SORBS2: variants seen among roughly 807,000 people sequenced by gnomAD.
The protein encoded by SORBS2 is sorbin and SH3 domain-containing protein 2.
SORBS2 carries 46 observed loss-of-function variants against 97.7 expected under a neutral mutation model. The observed-to-expected ratio is 0.47, with a 90% CI of 0.37 to 0.60. SORBS2 has a LOEUF of 0.60. SORBS2 is among the 20% of genes least tolerant of loss of function. SORBS2 has a pLI of 0.00. For missense variants in SORBS2, 1,316 were observed against 1,282.3 expected, an observed-to-expected ratio of 1.03 and a Z score of -0.40; for synonymous variants, 476 against 473.4, an observed-to-expected ratio of 1.01 and a Z score of -0.07.
intron 1 of SORBS2, among the ~76,000 whole-genome samples, chr4:185,859,466 C>T (rs2099222448): frequency 6.6e-6 from 1 of 152,236 alleles, no homozygotes; most frequent in South Asian, 2.1e-4. Context: ...TTTACAACTC[C>T]AGCCTTTGCC....
intron 2 of SORBS2, among the ~76,000 whole-genome samples, chr4:185,709,304 C>CCTTTTTTTTTTTTGTTTTTTTTTTTTTT (rs1554199361): frequency 1.0e-5 from 1 of 96,804 alleles, no homozygotes. Flanking sequence ...CTGGCCAAAT[C>CCTTTTTTTTTTTTGTTTTTTTTTTTTTT]TTTTTTTTTT....
At chr4:185,629,179 G>A (rs2153430852) in intron 5 of SORBS2, among the ~76,000 whole-genome samples, 1 of 152,302 alleles carries the variant, frequency 6.6e-6, no homozygotes, top group South Asian at 2.1e-4. Context: ...GCAGACCTCA[G>A]AACTGGTTTG....
At chr4:185,596,522 C>T (rs1024022450) in intron 12 of SORBS2, among the ~76,000 whole-genome samples, 2 of 145,334 alleles carry the variant, frequency 1.4e-5, no homozygotes, top group Non-Finnish European at 3.0e-5. Flanking sequence ...CAGCCAGCAC[C>T]GTCCTTGCTT....
chr4:185,742,767 A>G (rs2098735403), intron 2 of SORBS2, among the ~76,000 whole-genome samples: 1 of 152,238 alleles, frequency 6.6e-6, no homozygotes, highest in Non-Finnish European at 1.5e-5. Flanking sequence ...GGCAAGAGGA[A>G]TATTTGCCAA....
chr4:185,739,600 A>G (rs919600105), intron 2 of SORBS2, among the ~76,000 whole-genome samples: 3 of 152,178 alleles, frequency 2.0e-5, no homozygotes, highest in African/African-American at 2.4e-5. Flanking sequence ...TGTGTTCAGG[A>G]TGAGGGCTTC....
At chr4:185,737,689 C>T (rs187851063) in intron 2 of SORBS2, among the ~76,000 whole-genome samples, 2 of 152,252 alleles carry the variant, frequency 1.3e-5, no homozygotes, top group Admixed American at 6.5e-5. Flanking sequence ...GGCACCGCAG[C>T]GTGGTGGGCA....
At chr4:185,824,872 C>T (rs2099198908) in intron 1 of SORBS2, among the ~76,000 whole-genome samples, 1 of 152,168 alleles carries the variant, frequency 6.6e-6, no homozygotes, top group Non-Finnish European at 1.5e-5. Flanking sequence ...CCAACCCACA[C>T]TCTCATGCCA....
At chr4:185,845,744 T>G (rs930466814) in intron 1 of SORBS2, among the ~76,000 whole-genome samples, 4 of 151,888 alleles carry the variant, frequency 2.6e-5, no homozygotes, top group African/African-American at 9.7e-5. Context: ...AGCAAAAAAA[T>G]AGGCAAAAGT....
chr4:185,652,711 C>T (rs764663353), exon 2 of SORBS2: 14 of 1,614,020 alleles, frequency 8.7e-6, no homozygotes, highest in Middle Eastern at 1.6e-4. Context: ...TGTACCAGTC[C>T]TTGGGCCGGT....
intron 1 of SORBS2, among the ~76,000 whole-genome samples, chr4:185,905,807 C>T (rs557657781): frequency 2.6e-5 from 4 of 152,064 alleles, no homozygotes; most frequent in African/African-American, 9.6e-5. Context: ...AAGTAGTGAC[C>T]CAATATGAAT....
At chr4:185,828,464 T>C (rs150527040) in intron 1 of SORBS2, among the ~76,000 whole-genome samples, 97 of 152,224 alleles carry the variant, frequency 6.4e-4, no homozygotes, top group African/African-American at 2.1e-3. Flanking sequence ...ACTAAAATCA[T>C]CATTATCATC....
chr4:185,606,500 T>G lies in SORBS2; in HGVS notation c.2796+5280A>C, dbSNP rs1444016803. ...GTTTAAAAAAATCTGTTAGTCAAAATAGGTATTTATTAATATGATTAACTC... is the reference window on the plus strand; with the variant it reads ...GTTTAAAAAAATCTGTTAGTCAAAAGAGGTATTTATTAATATGATTAACTC... On this transcript the variant is annotated intron_variant, in intron 12 of 14. Coordinates refer to ENST00000418609, the Ensembl canonical transcript of SORBS2. The surrounding 1 kb of genome is among the most constrained non-coding windows in gnomAD (Gnocchi z 4.3). The G allele has an allele frequency of 2.0e-6, 2 of 983,130 alleles. No individual in the cohort carries two copies. The highest frequency in any genetic ancestry group is 2.4e-6 in the Non-Finnish European group (2 of 827,936). The allele number at this position is 983,130 out of a possible 1,614,324, so 60.9% of individuals were successfully genotyped here. A position where few individuals can be genotyped will look rare whatever the true frequency, so the allele number is the denominator to read the frequency against.
intron 4 of SORBS2, among the ~76,000 whole-genome samples, chr4:185,633,500 T>C (rs1000352618): frequency 2.0e-5 from 3 of 151,342 alleles, no homozygotes; most frequent in Non-Finnish European, 4.4e-5. Flanking sequence ...TACCATCACA[T>C]AATAGAATGC....
rs75680234 is a variant in SORBS2 at position 185,933,772 on chromosome 4, T to C, written c.-338+22424A>G. On this transcript the variant is annotated intron_variant, in intron 1 of 20. Coordinates refer to the SORBS2 transcript ENST00000284776. ...CACTCATTTCCCAAAAAAAGTCACA[T>C]ACGTAGGTACTGGAGGTTAAGACTT... Among the ~76,000 whole-genome samples, 7 of 152,278 alleles carry C rather than the reference T, an allele frequency of 4.6e-5. No homozygotes were observed. In the South Asian group the frequency reaches 1.2e-3, roughly 27 times the overall value.
chr4:185,703,496 A>G (rs1352780345), intron 2 of SORBS2, among the ~76,000 whole-genome samples: 1 of 152,214 alleles, frequency 6.6e-6, no homozygotes, highest in Non-Finnish European at 1.5e-5. Context: ...AAAAAAACTA[A>G]AAGATCTAAG....
intron 4 of SORBS2, among the ~76,000 whole-genome samples, chr4:185,675,617 G>T (rs2097779566): frequency 6.6e-6 from 1 of 152,090 alleles, no homozygotes; most frequent in African/African-American, 2.4e-5. Context: ...ATAAAATAAG[G>T]ACAGTAGTAA....
At chr4:185,782,962 C>T (rs2099038317) in intron 1 of SORBS2, among the ~76,000 whole-genome samples, 1 of 152,202 alleles carries the variant, frequency 6.6e-6, no homozygotes, top group Non-Finnish European at 1.5e-5. Context: ...ATGTGTAAAA[C>T]ACTCTGAAAT....
intron 2 of SORBS2, among the ~76,000 whole-genome samples, chr4:185,744,891 A>T (rs1187306807): frequency 1.3e-5 from 2 of 152,246 alleles, no homozygotes; most frequent in African/African-American, 2.4e-5. Context: ...GCAAAGGCAC[A>T]TTCACTAAGG....
intron 1 of SORBS2, among the ~76,000 whole-genome samples, chr4:185,790,765 T>G (rs962252901): frequency 6.6e-6 from 1 of 152,222 alleles, no homozygotes; most frequent in African/African-American, 2.4e-5. Flanking sequence ...AAAATATGTT[T>G]ATCACTAAAC....
Sources: allele counts gnomAD v4.1 joint callset (sites outside exome capture counted in the v4.1 genomes callset), GRCh38; gene constraint gnomAD v4.1.1; non-coding constraint Gnocchi (gnomAD v3.1); transcripts MANE v1.5; gene names NCBI Gene and HGNC (gene_info 2026-07-23, HGNC 2026-07-21).